Variants in DUOXA1 observed in about 807,000 individuals in gnomAD.
DUOXA1 encodes dual oxidase maturation factor 1.
A neutral mutation model predicts 26.6 loss-of-function variants in DUOXA1; 19 were observed. The observed-to-expected ratio is 0.71, with a 90% CI of 0.50 to 1.05. The LOEUF is 1.05. Among genes scored for constraint, DUOXA1 ranks in the 50% least tolerant of loss-of-function variants. The pLI, the probability that DUOXA1 is intolerant of heterozygous loss-of-function variation, is 0.00. For missense variants in DUOXA1, 403 were observed against 427.5 expected (o/e 0.94, Z 0.51); for synonymous variants, 166 against 177.0 (o/e 0.94, Z 0.49).
At chr15:45,126,998 A>G (rs990554769) in intron 3 of DUOXA1, among the ~76,000 whole-genome samples, 5 of 152,248 alleles carry the variant, frequency 3.3e-5, no homozygotes, top group Non-Finnish European at 7.3e-5. Flanking sequence ...ATGAGTAACT[A>G]AGAATTCGTG....
At chr15:45,120,937 A>G (rs1895138495) in intron 6 of DUOXA1, 132 bp from the exon 7 acceptor site, 2 of 1,502,972 alleles carry the variant, frequency 1.3e-6, no homozygotes. Flanking sequence ...AAGGCCCTGA[A>G]TTTCCCTTCC....
intron 4 of DUOXA1, 126 bp from the exon 5 acceptor site, chr15:45,122,368 G>A: frequency 2.3e-6 from 2 of 884,670 alleles, no homozygotes; most frequent in South Asian, 2.9e-5. Context: ...TGAAATCAGA[G>A]TGTCTGGCAC....
At position 45,121,084 on chromosome 15, in the gene DUOXA1, C is replaced by CA; in HGVS notation, c.340+2dup. 6.2e-7 allele frequency: 1 copy of CA among 1,614,166 alleles called. No individual in the cohort carries two copies. On this transcript the variant is annotated splice_region_variant and intron_variant, in intron 6 of 8. Coordinates refer to ENST00000560572, the MANE Select transcript of DUOXA1 (RefSeq NM_001276266.2). Reference sequence around the variant, plus strand: ...CCCACCACAGGTAAGAGCCCTCCCTCACCTGTGAGTGTGATGTTGACTCCA... The same window carrying CA: ...CCCACCACAGGTAAGAGCCCTCCCTCAACCTGTGAGTGTGATGTTGACTCCA...
At position 45,118,919 on chromosome 15, in the gene DUOXA1, T is replaced by A; in HGVS notation, c.*187A>T. 2.2e-6 allele frequency: 3 copies of A among 1,349,016 alleles called. No individual in the cohort carries two copies. Among genetic ancestry groups the A allele is most frequent in the Non-Finnish European group, 2.8e-6 (3 of 1,052,738 alleles). The allele number at this position is 1,349,016 out of a possible 1,614,324, so 83.6% of individuals were successfully genotyped here. A position where few individuals can be genotyped will look rare whatever the true frequency, so the allele number is the denominator to read the frequency against. On this transcript the variant is annotated 3_prime_UTR_variant, in exon 9 of 9. Coordinates refer to ENST00000560572, the MANE Select transcript of DUOXA1 (RefSeq NM_001276266.2). ...ACAGGCCCAGCATCTCTTCAGTCCC[T>A]TAGGGCTTTTTGTTTTGTTTTGTTT...
intron 3 of DUOXA1, among the ~76,000 whole-genome samples, chr15:45,124,924 T>C (rs1288721988): frequency 6.6e-6 from 1 of 152,214 alleles, no homozygotes; most frequent in Non-Finnish European, 1.5e-5. Context: ...CTTGAGTCCT[T>C]GGTTTCTTCA....
intron 8 of DUOXA1, among the ~76,000 whole-genome samples, 182 bp downstream of exon 8, chr15:45,119,921 G>A (rs991846619): frequency 4.6e-5 from 7 of 152,044 alleles, no homozygotes; most frequent in Middle Eastern, 3.4e-3. Context: ...TGAGGAGGGG[G>A]GGGAAGTGGC....
Position 45,122,874 on chromosome 15 carries a change from T to C in DUOXA1, c.141A>G (p.Gly47=), listed in dbSNP as rs757050950. ...TFIVILPGIR[G]KTRLFWLLRV... ...CCAGGACTGGGTTTCTCACCGTCTTTCCCCGAATGCCAGGCAGGATGACGA... is the reference window on the plus strand; with the variant it reads ...CCAGGACTGGGTTTCTCACCGTCTTCCCCCGAATGCCAGGCAGGATGACGA... Residue 47 remains glycine (G), a synonymous_variant, in exon 4 of 9, where the codon GGA becomes GGG. Transcript: ENST00000560572. The C allele has an allele frequency of 1.2e-6, 2 of 1,608,564 alleles. No homozygotes were observed. The highest frequency in any genetic ancestry group is 1.7e-5 in the Admixed American group (1 of 59,682).
rs1355158333 is a variant in DUOXA1 at position 45,126,374 on chromosome 15, A to G, written c.-30+2644T>C. ...TCTGACACGCTCTTTCAAGCCTTCA[A>G]TACCTTTGGATATGCTATTTCCTCT... On this transcript the variant is annotated intron_variant, in intron 3 of 8. Coordinates refer to ENST00000560572, the MANE Select transcript of DUOXA1 (RefSeq NM_001276266.2). 4.6e-5 allele frequency among the ~76,000 whole-genome samples: 7 copies of G among 152,274 alleles called. No homozygotes were observed. In the South Asian group the frequency reaches 8.3e-4, roughly 18 times the overall value.
rs770915057 is a variant in DUOXA1, at chr15:45,117,501, G to A, written c.*1605C>T. ...GCTCAGAAGGGTTTGGTGTCTTGCC[G>A]TGTTTCATGTAATTCAGATTAGAGG... On this transcript the variant is annotated 3_prime_UTR_variant, in exon 9 of 9. Coordinates refer to ENST00000560572, the MANE Select transcript of DUOXA1 (RefSeq NM_001276266.2). 2 of 1,552,750 alleles carry A rather than the reference G, an allele frequency of 1.3e-6. No individual in the cohort carries two copies. The highest frequency in any genetic ancestry group is 1.4e-5 in the African/African-American group (1 of 73,074).
chr15:45,117,985 A>T lies in DUOXA1; in HGVS notation c.*1121T>A, dbSNP rs1894789436. 1 of 1,612,384 alleles carries T rather than the reference A, an allele frequency of 6.2e-7. No homozygotes were observed. The highest frequency in any genetic ancestry group is 8.5e-7 in the Non-Finnish European group (1 of 1,179,536). On this transcript the variant is annotated 3_prime_UTR_variant, in exon 9 of 9. Transcript: ENST00000560572. ...AAGCAGTGCCCGCCAGGCCTGGGCC[A>T]GGAGAGCTCCAGGAAGGGCACTGAG...
chr15:45,117,532 G>A lies in DUOXA1; in HGVS notation c.*1574C>T, dbSNP rs762297503. On this transcript the variant is annotated 3_prime_UTR_variant, in exon 9 of 9. Coordinates refer to ENST00000560572, the MANE Select transcript of DUOXA1 (RefSeq NM_001276266.2). ...CATGTAATTCAGATTAGAGGTGTGT[G>A]GCGGGAGGTAACACAAGGGGTAGGC... 54 of 1,559,620 alleles carry A rather than the reference G, an allele frequency of 3.5e-5. No individual in the cohort carries two copies. The highest frequency in any genetic ancestry group is 4.6e-5 in the Non-Finnish European group (53 of 1,150,976).
Position 45,129,704 on chromosome 15 carries a change from A to G in DUOXA1, c.-302-89T>C, listed in dbSNP as rs551227381. On this transcript the variant is annotated intron_variant, in intron 1 of 8. Transcript: ENST00000560572. The surrounding 1 kb of genome is among the most constrained non-coding windows in gnomAD (Gnocchi z 4.1). ...TCTGAGGAGAGTCTCCCCTCCCCAT[A>G]CCCTCTCCGCCTCCCACCCTCTCCC... is the stretch of plus-strand genomic sequence containing the variant. 1 of 151,018 alleles carries G rather than the reference A, an allele frequency of 6.6e-6. No homozygotes were observed. The highest frequency in any genetic ancestry group is 2.1e-4 in the South Asian group (1 of 4,742). 9.4% of individuals were successfully genotyped at this position (151,018 alleles called of 1,614,324 possible). A position where few individuals can be genotyped will look rare whatever the true frequency, so the allele number is the denominator to read the frequency against.
At chr15:45,119,712 G>A (rs1221067271) in intron 8 of DUOXA1, among the ~76,000 whole-genome samples, 1 of 152,166 alleles carries the variant, frequency 6.6e-6, no homozygotes, top group Non-Finnish European at 1.5e-5. Context: ...TAGACAGCGG[G>A]ACAGGAGAGG....
chr15:45,120,164 G>A lies in DUOXA1; in HGVS notation c.711C>T (p.His237=). 6.2e-7 allele frequency: 1 copy of A among 1,614,072 alleles called. No individual in the cohort carries two copies. Among genetic ancestry groups the A allele is most frequent in the East Asian group, 2.2e-5 (1 of 44,874 alleles). ...ATSLTSPCPL[H]LGASVLHTHH... is the part of the protein sequence containing the mutation. ...GAGTATGCAGCACAGAAGCGCCCAG[G>A]TGCAGGGGACAGGGTGAGGTGAGTG... Residue 237 remains histidine, a synonymous_variant, in exon 8 of 9, where the codon CAC becomes CAT. Coordinates refer to ENST00000560572, the MANE Select transcript of DUOXA1 (RefSeq NM_001276266.2).
intron 8 of DUOXA1, 88 bp from the exon 9 acceptor site, chr15:45,119,453 A>T: frequency 2.0e-6 from 3 of 1,479,388 alleles, no homozygotes; most frequent in Non-Finnish European, 1.8e-6. Flanking sequence ...AACAACTCTA[A>T]GGGAAGCCTA....
intron 7 of DUOXA1, 91 bp from the exon 8 acceptor site, chr15:45,120,411 G>A (rs1323921778): frequency 2.0e-6 from 3 of 1,526,206 alleles, no homozygotes; most frequent in Non-Finnish European, 1.8e-6. Flanking sequence ...AGGGACCCAA[G>A]AGTGACCCAA....
intron 5 of DUOXA1, 53 bp downstream of exon 5, chr15:45,122,132 G>A (rs540481580): frequency 2.6e-6 from 4 of 1,549,032 alleles, no homozygotes; most frequent in Middle Eastern, 1.7e-4. Context: ...AGGCTGCTGA[G>A]GGAGTTGAAG....
chr15:45,120,247 G>A lies in DUOXA1; in HGVS notation c.628C>T (p.Leu210=). 1 of 1,614,106 alleles carries A rather than the reference G, an allele frequency of 6.2e-7. No individual in the cohort carries two copies. ...MPVLVYGGYM[L]LATGIFQLLA... Reference sequence around the variant, plus strand: ...AGCTGGAAGATGCCCGTGGCCAATAGCATGTAGCCACCATATACCAGCACA... The same window carrying A: ...AGCTGGAAGATGCCCGTGGCCAATAACATGTAGCCACCATATACCAGCACA... The change falls in exon 8 of 9, where the codon CTA becomes TTA. Residue 210 remains leucine, a synonymous_variant. Transcript: ENST00000560572.
Position 45,120,591 on chromosome 15 carries a change from C to T in DUOXA1, c.554+1G>A, listed in dbSNP as rs780875523. 1.2e-6 allele frequency: 2 copies of T among 1,614,064 alleles called. No individual in the cohort carries two copies. Among genetic ancestry groups the T allele is most frequent in the Non-Finnish European group, 1.7e-6 (2 of 1,179,932 alleles). On this transcript the variant is annotated splice_donor_variant, in intron 7 of 8. Coordinates refer to ENST00000560572, the MANE Select transcript of DUOXA1 (RefSeq NM_001276266.2). LOFTEE classifies it high-confidence loss of function. Reference sequence around the variant, plus strand: ...CCACCCCGTCTCCTTCCCATCCTCACCATAGCATGGCTGAGGTGTAGTGTC... The same window carrying T: ...CCACCCCGTCTCCTTCCCATCCTCATCATAGCATGGCTGAGGTGTAGTGTC...
Sources: gnomAD v4.1 joint callset for allele counts (sites outside exome capture counted in the v4.1 genomes callset) on GRCh38, gnomAD v4.1.1 for gene constraint, Gnocchi (gnomAD v3.1) non-coding constraint, MANE v1.5 for transcripts, NCBI Gene and HGNC (gene_info 2026-07-23, HGNC 2026-07-21) for gene names.